CLCN1: variants seen among roughly 807,000 people sequenced by gnomAD.
CLCN1 encodes the protein chloride voltage-gated channel 1, also known as chloride channel protein 1.
A neutral mutation model predicts 114.5 loss-of-function variants in CLCN1; 100 were observed. The ratio of observed to expected loss-of-function variants is 0.87; its 90% CI spans 0.74 to 1.03. The LOEUF is 1.03. Ranked by LOEUF, CLCN1 falls within the 50% of genes least tolerant of loss-of-function variation. The pLI, the probability that CLCN1 is intolerant of heterozygous loss-of-function variation, is 0.00. For synonymous variants in CLCN1, 485 were observed against 487.1 expected (o/e 1.00, Z 0.06); for missense variants, 1,188 against 1,250.0 (o/e 0.95, Z 0.75).
rs1482224720 is a variant in CLCN1, at chr7:143,316,150, T to G, written c.-63T>G. 1 of 1,362,516 alleles carries G rather than the reference T, an allele frequency of 7.3e-7. No individual in the cohort carries two copies. Among genetic ancestry groups the G allele is most frequent in the Non-Finnish European group, 1.0e-6 (1 of 957,782 alleles). The allele number at this position is 1,362,516 out of a possible 1,614,324, so 84.4% of individuals were successfully genotyped here. ...CAGCAAGAGCAGAGGCTTAAGGAGC[T>G]ACACTGGGGGAAGGACAGGGGCAAG... On this transcript the variant is annotated 5_prime_UTR_variant, in exon 1 of 23. Transcript: ENST00000343257.
chr7:143,350,279 C>T lies in CLCN1; in HGVS notation c.2404-93C>T, dbSNP rs1330967847. The T allele has an allele frequency of 7.9e-6, 7 of 886,728 alleles. No homozygotes were observed. The highest frequency in any genetic ancestry group is 2.0e-5 in the Admixed American group (1 of 50,452). 54.9% of individuals were successfully genotyped at this position (886,728 alleles called of 1,614,324 possible). ...TTCTTGCATGTTCCCAGATTCTGGG[C>T]AGCGGCTAGGAGGGCCGTTTGGGGT... On this transcript the variant is annotated intron_variant, in intron 20 of 22. Coordinates refer to ENST00000343257, the MANE Select transcript of CLCN1 (RefSeq NM_000083.3). The surrounding 1 kb of genome is among the most constrained non-coding windows in gnomAD (Gnocchi z 5.1).
chr7:143,344,755 T>TG (rs1468448406), intron 16 of CLCN1, among the ~76,000 whole-genome samples: 4 of 149,454 alleles, frequency 2.7e-5, no homozygotes, highest in Non-Finnish European at 5.9e-5. Context: ...AGCAGGGTTT[T>TG]TTTTTTTTTT....
At chr7:143,331,084 A>T (rs1342658197) in intron 8 of CLCN1, 148 bp from the exon 9 acceptor site, 2 of 1,026,344 alleles carry the variant, frequency 1.9e-6, no homozygotes, top group Admixed American at 1.8e-5. Context: ...TCCATGGAGG[A>T]GTGTGCGTAG....
At chr7:143,345,898 G>A (rs2116385433) in intron 17 of CLCN1, 136 bp downstream of exon 17, 1 of 1,292,526 alleles carries the variant, frequency 7.7e-7, no homozygotes, top group Admixed American at 2.2e-5. Context: ...GGAGAGTCTG[G>A]TAACTGAGAA....
chr7:143,339,120 CA>C lies in CLCN1; in HGVS notation c.1402-132del. 1 of 770,072 alleles carries C rather than the reference CA, an allele frequency of 1.3e-6. No homozygotes were observed. 47.7% of individuals were successfully genotyped at this position (770,072 alleles called of 1,614,324 possible). The stretch of plus-strand genomic sequence containing the variant: ...GCTTTTGTTTCTGGAAGAAGGGTGA[CA>C]GACAAAGTGACTTTCAGAAGGATCA... On this transcript the variant is annotated intron_variant, in intron 12 of 22. Coordinates refer to ENST00000343257, the MANE Select transcript of CLCN1 (RefSeq NM_000083.3). The surrounding 1 kb of genome is among the most constrained non-coding windows in gnomAD (Gnocchi z 4.1).
Position 143,345,758 on chromosome 7 carries a change from G to T in CLCN1, c.2168G>T (p.Ser723Ile). The T allele has an allele frequency of 6.2e-7, 1 of 1,606,780 alleles. No homozygotes were observed. The highest frequency in any genetic ancestry group is 1.3e-5 in the African/African-American group (1 of 74,968). ...EDEDEDLSGKSELPPSLALHP... is the reference protein window; with the variant it reads ...EDEDEDLSGKIELPPSLALHP... ...GAGGACGAAGACCTCTCTGGCAAGA[G>T]CGAGGTGACCGCGCCGGGAAGGGCT... The change falls in exon 17 of 23, where the codon AGC becomes ATC. Residue 723 changes from serine to isoleucine, a missense_variant. Physicochemically the swap from Ser to Ile is moderately radical, Grantham distance 142. Transcript: ENST00000343257.
rs766070221 is a variant in CLCN1, at chr7:143,345,743, A to G, written c.2153A>G (p.Asp718Gly). The change falls in exon 17 of 23, where the codon GAC (aspartate) becomes GGC (glycine). Residue 718 changes from aspartate (D) to glycine (G), a missense_variant. Physicochemically the swap from Asp to Gly is moderately conservative, Grantham distance 94. Coordinates refer to ENST00000343257, the MANE Select transcript of CLCN1 (RefSeq NM_000083.3). ...TTTGTGGATGAGGATGAGGACGAAG[A>G]CCTCTCTGGCAAGAGCGAGGTGACC... Reference protein sequence around the residue: ...FAFVDEDEDEDLSGKSELPPS... With the variant: ...FAFVDEDEDEGLSGKSELPPS... 6.2e-7 allele frequency: 1 copy of G among 1,600,264 alleles called. No homozygotes were observed. The highest frequency in any genetic ancestry group is 8.5e-7 in the Non-Finnish European group (1 of 1,174,354).
At chr7:143,342,622 T>C (rs1026831977) in intron 16 of CLCN1, 117 bp downstream of exon 16, 1 of 1,023,976 alleles carries the variant, frequency 9.8e-7, no homozygotes, top group Non-Finnish European at 1.5e-6. Context: ...ATGTGCTATG[T>C]ACAAGGAAGG....
intron 7 of CLCN1, among the ~76,000 whole-genome samples, chr7:143,325,869 AG>A (rs1441197577): frequency 6.6e-6 from 1 of 152,244 alleles, no homozygotes; most frequent in Non-Finnish European, 1.5e-5. Flanking sequence ...TGGTAGAAAA[AG>A]GAAGAAAAAA....
At chr7:143,330,270 C>A (rs1802687917) in intron 7 of CLCN1, among the ~76,000 whole-genome samples, 1 of 152,066 alleles carries the variant, frequency 6.6e-6, no homozygotes, top group African/African-American at 2.4e-5. Flanking sequence ...TAAGGTTGCC[C>A]CAGGGTACAT....
intron 1 of CLCN1, among the ~76,000 whole-genome samples, chr7:143,318,664 C>T (rs1802350957): frequency 6.6e-6 from 1 of 152,172 alleles, no homozygotes; most frequent in Non-Finnish European, 1.5e-5. Context: ...GTTTTCCCAG[C>T]CCAGGTATGA....
Position 143,323,302 on chromosome 7 carries a change from C to T in CLCN1, c.697-7C>T. The T allele has an allele frequency of 6.2e-7, 1 of 1,603,080 alleles. No homozygotes were observed. Among genetic ancestry groups the T allele is most frequent in the South Asian group, 1.1e-5 (1 of 90,880 alleles). ...TGACCCCCGCCCCCTCGCTCCCCCT[C>T]TCCCAGGGCCCCTTCGTCCACATTG... On this transcript the variant is annotated splice_region_variant and splice_polypyrimidine_tract_variant and intron_variant, in intron 5 of 22. Coordinates refer to ENST00000343257, the MANE Select transcript of CLCN1 (RefSeq NM_000083.3).
chr7:143,336,769 A>G (rs1439820061), intron 12 of CLCN1, among the ~76,000 whole-genome samples: 1 of 152,146 alleles, frequency 6.6e-6, no homozygotes, highest in Non-Finnish European at 1.5e-5. Context: ...TGTTAATCTC[A>G]TGTGTCAACC....
intron 12 of CLCN1, among the ~76,000 whole-genome samples, chr7:143,337,126 G>A (rs562514774): frequency 3.9e-5 from 6 of 152,320 alleles, no homozygotes; most frequent in Admixed American, 1.3e-4. Context: ...TCCCCTGGAT[G>A]AGCATTACTC....
intron 1 of CLCN1, among the ~76,000 whole-genome samples, chr7:143,317,341 C>T (rs1488238986): frequency 2.6e-5 from 4 of 151,316 alleles, no homozygotes; most frequent in South Asian, 2.1e-4. Flanking sequence ...CTCCGCCTCC[C>T]GGGTTCAAGC....
At chr7:143,342,817 A>G (rs906699176) in intron 16 of CLCN1, among the ~76,000 whole-genome samples, 7 of 152,182 alleles carry the variant, frequency 4.6e-5, no homozygotes, top group Non-Finnish European at 8.8e-5. Flanking sequence ...AAAAATACAA[A>G]ATTAGCTAGG....
intron 1 of CLCN1, among the ~76,000 whole-genome samples, chr7:143,318,040 T>C (rs1240477272): frequency 6.6e-6 from 1 of 151,556 alleles, no homozygotes; most frequent in Non-Finnish European, 1.5e-5. Flanking sequence ...TAAACAAGAG[T>C]TTGGATTAGT....
At chr7:143,343,030 G>C (rs1367596111) in intron 16 of CLCN1, among the ~76,000 whole-genome samples, 1 of 152,046 alleles carries the variant, frequency 6.6e-6, no homozygotes, top group African/African-American at 2.4e-5. Flanking sequence ...CTGAATAATT[G>C]CTCCTAGGAA....
At chr7:143,333,022 G>A in intron 12 of CLCN1, 149 bp downstream of exon 12, 3 of 928,136 alleles carry the variant, frequency 3.2e-6, no homozygotes, top group Non-Finnish European at 5.2e-6. Flanking sequence ...GAGTTGGCCA[G>A]GCATGGTGGC....
Sources: gnomAD v4.1 joint callset for allele counts (sites outside exome capture counted in the v4.1 genomes callset) on GRCh38, gnomAD v4.1.1 for gene constraint, Gnocchi (gnomAD v3.1) non-coding constraint, MANE v1.5 for transcripts, NCBI Gene and HGNC (gene_info 2026-07-23, HGNC 2026-07-21) for gene names.